The following CCDC83 variants were observed in gnomAD, a reference collection of about 807,000 sequenced individuals.
CCDC83 encodes the protein coiled-coil domain-containing protein 83.
Under a neutral mutation model 50.1 loss-of-function variants are expected in CCDC83, and 54 were observed. The observed-to-expected ratio is 1.08, with a 90% CI of 0.87 to 1.35. The LOEUF is 1.35. Ranked by LOEUF, CCDC83 falls within the 40% of genes most tolerant of loss-of-function variation. CCDC83 has a pLI of 0.00. For missense variants in CCDC83, 518 were observed against 473.9 expected (o/e 1.09, Z -0.86); for synonymous variants, 161 against 153.3 (o/e 1.05, Z -0.37).
At chr11:85,905,689 G>C (rs1213370985) in intron 7 of CCDC83, among the ~76,000 whole-genome samples, 1 of 151,430 alleles carries the variant, frequency 6.6e-6, no homozygotes, top group Non-Finnish European at 1.5e-5. Context: ...ATTAGGGAGG[G>C]CCAGGCGCAG....
intron 3 of CCDC83, among the ~76,000 whole-genome samples, chr11:85,874,305 G>T (rs992751716): frequency 9.2e-5 from 14 of 152,228 alleles, no homozygotes; most frequent in African/African-American, 3.4e-4. Flanking sequence ...GAGATCCAGA[G>T]CACTAAAGAG....
At chr11:85,895,264 CTT>C (rs10594256) in intron 5 of CCDC83, 27 bp from the exon 6 acceptor site, 68,111 of 357,480 alleles carry the variant, frequency 0.19, 371 homozygotes, top group Middle Eastern at 0.24. Context: ...TTTTAATTTT[CTT>C]TTTTTTTTTT....
chr11:85,878,912 G>A (rs1201611729), intron 3 of CCDC83, among the ~76,000 whole-genome samples: 1 of 152,040 alleles, frequency 6.6e-6, no homozygotes, highest in African/African-American at 2.4e-5. Flanking sequence ...GTTTTAATTT[G>A]CATTTCCCTA....
chr11:85,911,448 C>T (rs1234096492), intron 8 of CCDC83, 46 bp downstream of exon 8: 2 of 1,471,140 alleles, frequency 1.4e-6, no homozygotes. Context: ...ACATTTGTAT[C>T]TGCTGTAAAA....
At position 85,918,502 on chromosome 11, in the gene CCDC83, C is replaced by G. The variant is rs1358882057; in HGVS notation, c.1081-847C>G. On this transcript the variant is annotated intron_variant, in intron 10 of 10. Coordinates refer to ENST00000342404, the MANE Select transcript of CCDC83 (RefSeq NM_001286159.2). ...GAAGGGACATTGGGTAGGGCGTGAG[C>G]TCTGTCCACCCAGTTTTGGGTTGGC... 2.6e-5 allele frequency among the ~76,000 whole-genome samples: 4 copies of G among 152,216 alleles called. No homozygotes were observed. The East Asian group carries it at 7.7e-4, about 29-fold the overall frequency.
In CCDC83 at chr11:85,882,464, T is replaced by C. The variant is rs371713162; in HGVS notation, c.181-49T>C. 23 of 1,562,112 alleles carry C rather than the reference T, an allele frequency of 1.5e-5. No homozygotes were observed. In the African/African-American group the frequency reaches 2.7e-4, roughly 19 times the overall value. Reference sequence around the variant, plus strand: ...TTCTTGACTCTATTTTGAGGAAACATAGTGTACATAGTTGATCAAACGTGA... The same window carrying C: ...TTCTTGACTCTATTTTGAGGAAACACAGTGTACATAGTTGATCAAACGTGA... On this transcript the variant is annotated intron_variant, in intron 3 of 10. Coordinates refer to ENST00000342404, the MANE Select transcript of CCDC83 (RefSeq NM_001286159.2).
At chr11:85,916,313 C>A in intron 10 of CCDC83, 80 bp downstream of exon 10, 1 of 1,022,848 alleles carries the variant, frequency 9.8e-7, no homozygotes, top group Non-Finnish European at 1.5e-6. Context: ...GAAAATTAAC[C>A]TAAAATATGG....
chr11:85,884,982 G>A (rs562490279), intron 4 of CCDC83, among the ~76,000 whole-genome samples: 4 of 152,160 alleles, frequency 2.6e-5, no homozygotes, highest in East Asian at 1.9e-4. Context: ...ATGCCAAGGC[G>A]GGCAGATTGC....
rs778858952 is a variant in CCDC83, at chr11:85,865,099, T to C, written c.-25T>C. ...CGTATGTCTCCTTTCTAAACAGGTA[T>C]ATTTCTTCATAGCTAACCAGCACAA... On this transcript the variant is annotated 5_prime_UTR_variant, in exon 2 of 11. Coordinates refer to ENST00000342404, the MANE Select transcript of CCDC83 (RefSeq NM_001286159.2). The C allele has an allele frequency of 2.0e-6, 3 of 1,468,624 alleles. No individual in the cohort carries two copies. The African/African-American group carries it at 4.2e-5, about 20-fold the overall frequency. The allele number at this position is 1,468,624 out of a possible 1,614,324, so 91.0% of individuals were successfully genotyped here. A position where few individuals can be genotyped will look rare whatever the true frequency, so the allele number is the denominator to read the frequency against.
chr11:85,861,702 C>CA (rs1358419577), intron 1 of CCDC83, among the ~76,000 whole-genome samples: 1 of 152,064 alleles, frequency 6.6e-6, no homozygotes. Context: ...CACGCCTTCA[C>CA]AAAGTCATTA....
At chr11:85,908,775 C>T (rs1246968805) in intron 7 of CCDC83, among the ~76,000 whole-genome samples, 2 of 151,274 alleles carry the variant, frequency 1.3e-5, no homozygotes, top group East Asian at 3.9e-4. Context: ...AAAGATTAGC[C>T]AAGTGTTCTA....
intron 4 of CCDC83, among the ~76,000 whole-genome samples, chr11:85,885,935 A>G (rs529075167): frequency 1.5e-4 from 23 of 152,348 alleles, no homozygotes; most frequent in African/African-American, 5.3e-4. Context: ...TCCTAGGCAT[A>G]TGGGTTGTCT....
chr11:85,864,352 A>T (rs1465367028), intron 1 of CCDC83, among the ~76,000 whole-genome samples: 1 of 152,252 alleles, frequency 6.6e-6, no homozygotes, highest in African/African-American at 2.4e-5. Context: ...AAAATGTGTT[A>T]AGGAAGACTA....
intron 5 of CCDC83, among the ~76,000 whole-genome samples, chr11:85,893,173 C>T (rs556862559): frequency 1.1e-4 from 17 of 152,194 alleles, no homozygotes; most frequent in Non-Finnish European, 2.2e-4. Flanking sequence ...CAAAGACTTG[C>T]AGTTTGCCAA....
At position 85,917,213 on chromosome 11, in the gene CCDC83, A is replaced by G. The variant is rs531673373; in HGVS notation, c.1080+980A>G. ...GAAAGAGAAAGAAAGAAAGAAGGAAAGAAAGAAAGAAAGAAAGAAAAGAAA... is the reference window on the plus strand; with the variant it reads ...GAAAGAGAAAGAAAGAAAGAAGGAAGGAAAGAAAGAAAGAAAGAAAAGAAA... On this transcript the variant is annotated intron_variant, in intron 10 of 10. Coordinates refer to ENST00000342404, the MANE Select transcript of CCDC83 (RefSeq NM_001286159.2). 7.3e-3 allele frequency among the ~76,000 whole-genome samples: 844 copies of G among 115,004 alleles called. 17 individuals are homozygous for G. The highest frequency in any genetic ancestry group is 0.024 in the African/African-American group (718 of 30,328). The allele number at this position is 115,004 out of a possible 152,430, so 75.4% of individuals were successfully genotyped here.
intron 1 of CCDC83, among the ~76,000 whole-genome samples, chr11:85,859,568 G>C (rs961409048): frequency 6.6e-6 from 1 of 152,086 alleles, no homozygotes; most frequent in Non-Finnish European, 1.5e-5. Context: ...CAAACAATGG[G>C]GAAAGAACTC....
At chr11:85,876,567 C>T (rs750349739) in intron 3 of CCDC83, among the ~76,000 whole-genome samples, 1 of 152,182 alleles carries the variant, frequency 6.6e-6, no homozygotes, top group Non-Finnish European at 1.5e-5. Flanking sequence ...TGCAGTGGCG[C>T]GATCTCTGCT....
chr11:85,886,152 A>G, intron 4 of CCDC83, 48 bp from the exon 5 acceptor site: 1 of 1,426,110 alleles, frequency 7.0e-7, no homozygotes, highest in Non-Finnish European at 9.3e-7. Context: ...GCAACATATA[A>G]TGGTTACAAG....
chr11:85,861,358 A>C (rs1158392055), intron 1 of CCDC83, among the ~76,000 whole-genome samples: 1 of 152,198 alleles, frequency 6.6e-6, no homozygotes, highest in Non-Finnish European at 1.5e-5. Context: ...AATCCAGTAT[A>C]ATTTGGGAAC....
Sources: allele counts gnomAD v4.1 joint callset (sites outside exome capture counted in the v4.1 genomes callset), GRCh38; gene constraint gnomAD v4.1.1; transcripts MANE v1.5; gene names NCBI Gene and HGNC (gene_info 2026-07-23, HGNC 2026-07-21).